Variants in CACNA2D1 observed in about 807,000 individuals in gnomAD.
CACNA2D1 encodes the protein calcium voltage-gated channel auxiliary subunit alpha2delta 1.
Under a neutral mutation model 171.5 loss-of-function variants are expected in CACNA2D1, and 53 were observed. The ratio of observed to expected loss-of-function variants is 0.31; its 90% CI spans 0.25 to 0.39. The LOEUF (loss-of-function observed/expected upper bound fraction) is 0.39, where lower values mean the gene tolerates loss of function less well. Ranked by LOEUF, CACNA2D1 falls within the 10% of genes least tolerant of loss-of-function variation. The pLI is 1.00. For synonymous variants in CACNA2D1, 442 were observed against 443.1 expected, an observed-to-expected ratio of 1.00 and a Z score of 0.03; for missense variants, 903 against 1,299.8, an observed-to-expected ratio of 0.69 and a Z score of 4.69.
intron 4 of CACNA2D1, among the ~76,000 whole-genome samples, chr7:82,147,618 G>C (rs1403974570): frequency 1.3e-5 from 2 of 152,082 alleles, no homozygotes; most frequent in East Asian, 1.9e-4. Flanking sequence ...TCATGATCCA[G>C]GTCAACAGCA....
At chr7:82,356,723 G>GA (rs933488050) in intron 1 of CACNA2D1, among the ~76,000 whole-genome samples, 70 of 146,840 alleles carry the variant, frequency 4.8e-4, no homozygotes, top group East Asian at 2.0e-3. Context: ...ATCCACATCA[G>GA]AAAAAAAAAA....
At chr7:82,265,416 CTTTT>C (rs765047961) in intron 3 of CACNA2D1, among the ~76,000 whole-genome samples, 27 of 77,294 alleles carry the variant, frequency 3.5e-4, no homozygotes, top group East Asian at 7.0e-4. Flanking sequence ...TTTTTCCTTT[CTTTT>C]TTTTTTTTTT....
chr7:82,289,018 T>G (rs1279422184), intron 3 of CACNA2D1, among the ~76,000 whole-genome samples: 2 of 152,158 alleles, frequency 1.3e-5, no homozygotes, highest in Non-Finnish European at 1.5e-5. Flanking sequence ...TATCAGAAAG[T>G]CACCATGACC....
intron 3 of CACNA2D1, among the ~76,000 whole-genome samples, chr7:82,259,482 C>T (rs1487431037): frequency 6.6e-6 from 1 of 152,156 alleles, no homozygotes; most frequent in Non-Finnish European, 1.5e-5. Flanking sequence ...ATGTGAATCT[C>T]TCTGAAATAT....
intron 21 of CACNA2D1, 75 bp downstream of exon 21, chr7:81,991,110 A>G (rs1797498700): frequency 2.5e-6 from 2 of 792,368 alleles, no homozygotes; most frequent in Non-Finnish European, 4.5e-6. Context: ...AATCACATGA[A>G]AATTCACTTG....
intron 3 of CACNA2D1, among the ~76,000 whole-genome samples, chr7:82,235,077 C>T (rs1422551399): frequency 6.6e-6 from 1 of 152,006 alleles, no homozygotes; most frequent in Non-Finnish European, 1.5e-5. Flanking sequence ...AAATATGCTC[C>T]CCTGGCTAAG....
chr7:82,385,990 C>T (rs1824317552), intron 1 of CACNA2D1, among the ~76,000 whole-genome samples: 1 of 152,074 alleles, frequency 6.6e-6, no homozygotes, highest in South Asian at 2.1e-4. Flanking sequence ...ATATGAGCTA[C>T]ATTCTAGCAT....
chr7:82,334,250 C>T (rs534145397), intron 3 of CACNA2D1, among the ~76,000 whole-genome samples: 6 of 152,204 alleles, frequency 3.9e-5, no homozygotes, highest in African/African-American at 4.8e-5. Flanking sequence ...TGAATTGATA[C>T]GATTATTTTG....
rs74385126 is a variant in CACNA2D1 at position 82,265,659 on chromosome 7, G to A, written c.294+69476C>T. ...CTGTGAAAGATTTGGAAAATCTATC[G>A]GACTTTATACAGAAGTATTATTTAG... On this transcript the variant is annotated intron_variant, in intron 3 of 38. Transcript: ENST00000356860. Among the ~76,000 whole-genome samples the A allele has an allele frequency of 2.6e-3, 392 of 151,688 alleles. 1 individual carries two copies. The highest frequency in any genetic ancestry group is 6.9e-3 in the Admixed American group (105 of 15,232).
intron 3 of CACNA2D1, among the ~76,000 whole-genome samples, chr7:82,216,890 C>T (rs2129238047): frequency 1.9e-5 from 1 of 52,502 alleles, no homozygotes; most frequent in South Asian, 8.9e-4. Context: ...AAGCCTAAAT[C>T]CAAAAAAAAA....
intron 4 of CACNA2D1, among the ~76,000 whole-genome samples, chr7:82,144,430 C>T (rs1410540346): frequency 3.3e-5 from 5 of 152,086 alleles, no homozygotes; most frequent in Non-Finnish European, 7.4e-5. Flanking sequence ...TCTTCATCAT[C>T]CCCTTTTTCT....
At chr7:82,173,470 T>C (rs907376795) in intron 3 of CACNA2D1, among the ~76,000 whole-genome samples, 1 of 152,044 alleles carries the variant, frequency 6.6e-6, no homozygotes, top group East Asian at 1.9e-4. Context: ...ATGAAAACTC[T>C]ACTCCTGTTA....
intron 18 of CACNA2D1, among the ~76,000 whole-genome samples, chr7:81,998,653 A>T (rs1053103108): frequency 4.6e-5 from 7 of 152,068 alleles, no homozygotes; most frequent in African/African-American, 1.7e-4. Flanking sequence ...TAATTGAAAA[A>T]AATATTCACT....
At chr7:82,100,047 G>T (rs1012371748) in intron 6 of CACNA2D1, among the ~76,000 whole-genome samples, 1 of 151,830 alleles carries the variant, frequency 6.6e-6, no homozygotes, top group Admixed American at 6.6e-5. Context: ...TCCTGCACAT[G>T]TACCCTGGAA....
intron 25 of CACNA2D1, among the ~76,000 whole-genome samples, chr7:81,972,193 G>A (rs965911139): frequency 3.3e-5 from 5 of 151,114 alleles, no homozygotes; most frequent in African/African-American, 4.8e-5. Flanking sequence ...GTAGCATGGC[G>A]ATTCCCAACC....
chr7:81,953,624 C>T (rs998998159), intron 38 of CACNA2D1, among the ~76,000 whole-genome samples: 8 of 151,382 alleles, frequency 5.3e-5, no homozygotes, highest in Non-Finnish European at 8.8e-5. Context: ...TACATAGCAA[C>T]GATTTGATAA....
rs192241704 is a variant in CACNA2D1 at position 82,090,472 on chromosome 7, T to C, written c.527-5572A>G. On this transcript the variant is annotated intron_variant, in intron 6 of 38. Coordinates refer to ENST00000356860, the MANE Select transcript of CACNA2D1 (RefSeq NM_000722.4). ...ACAAGCAAAAATGTTTACCATTTCA[T>C]GTAATTTATAATACTATTCTATTAC... is the stretch of plus-strand genomic sequence containing the variant. Among the ~76,000 whole-genome samples, 289 of 152,264 alleles carry C rather than the reference T, an allele frequency of 1.9e-3. 3 individuals are homozygous for C. Among genetic ancestry groups the C allele is most frequent in the East Asian group, 0.015 (76 of 5,194 alleles).
At chr7:82,187,151 G>A (rs1254230935) in intron 3 of CACNA2D1, among the ~76,000 whole-genome samples, 1 of 151,946 alleles carries the variant, frequency 6.6e-6, no homozygotes, top group Non-Finnish European at 1.5e-5. Flanking sequence ...CATTTGAATT[G>A]GCAAATACTA....
chr7:82,188,703 T>C (rs940110285), intron 3 of CACNA2D1, among the ~76,000 whole-genome samples: 6 of 152,044 alleles, frequency 3.9e-5, no homozygotes, highest in East Asian at 3.9e-4. Context: ...CATCCTACCA[T>C]AGACACATGC....
Sources: allele counts gnomAD v4.1 joint callset (sites outside exome capture counted in the v4.1 genomes callset), GRCh38; gene constraint gnomAD v4.1.1; transcripts MANE v1.5; gene names NCBI Gene and HGNC (gene_info 2026-07-23, HGNC 2026-07-21).